CNOT7: variants seen among roughly 807,000 people sequenced by gnomAD.
CNOT7 encodes the protein BTG1-binding factor 1.
Under a neutral mutation model 37.1 loss-of-function variants are expected in CNOT7, and 4 were observed. That is an observed-to-expected ratio of 0.11 (90% CI 0.05 to 0.25). The LOEUF (loss-of-function observed/expected upper bound fraction) is 0.25, where lower values mean the gene tolerates loss of function less well. Ranked by LOEUF, CNOT7 falls within the 10% of genes least tolerant of loss-of-function variation. The pLI, the probability that CNOT7 is intolerant of heterozygous loss-of-function variation, is 1.00. For synonymous variants in CNOT7, 128 were observed against 115.6 expected (o/e 1.11, Z -0.69); for missense variants, 170 against 336.2 (o/e 0.51, Z 3.87).
Position 17,228,726 on chromosome 8 carries a change from G to C in CNOT7, c.*1994C>G, listed in dbSNP as rs1350887570. ...AGAAGCCAGAAATGATACAAGTTAT[G>C]AGATTGAGCAACTATGTGGCTAATA... On this transcript the variant is annotated 3_prime_UTR_variant, in exon 7 of 7. Transcript: ENST00000361272. The C allele has an allele frequency of 6.6e-6, 1 of 151,898 alleles. No individual in the cohort carries two copies. The highest frequency in any genetic ancestry group is 1.5e-5 in the Non-Finnish European group (1 of 67,832). The allele number at this position is 151,898 out of a possible 1,614,324, so 9.4% of individuals were successfully genotyped here. A position where few individuals can be genotyped will look rare whatever the true frequency, so the allele number is the denominator to read the frequency against.
chr8:17,239,844 T>C (rs984884757), intron 3 of CNOT7, among the ~76,000 whole-genome samples: 10 of 152,210 alleles, frequency 6.6e-5, no homozygotes, highest in African/African-American at 2.4e-4. Context: ...ATCAGTGACA[T>C]TATTTCCACA....
Position 17,227,566 on chromosome 8 carries a change from A to T in CNOT7, c.*3154T>A, listed in dbSNP as rs1221911185. The T allele has an allele frequency of 2.0e-5, 3 of 151,916 alleles. 1 individual carries two copies. The highest frequency in any genetic ancestry group is 4.4e-5 in the Non-Finnish European group (3 of 67,832). The allele number at this position is 151,916 out of a possible 1,614,324, so 9.4% of individuals were successfully genotyped here. ...ATGGTTTTCTTTGCTTGGCTAACAA[A>T]TAGGCTACTTGTAAACATTTTGGTT... is the stretch of plus-strand genomic sequence containing the variant. On this transcript the variant is annotated 3_prime_UTR_variant, in exon 7 of 7. Transcript: ENST00000361272.
chr8:17,238,726 TTTCTC>T (rs1010815343), intron 3 of CNOT7, among the ~76,000 whole-genome samples: 1 of 152,200 alleles, frequency 6.6e-6, no homozygotes, highest in Non-Finnish European at 1.5e-5. Context: ...TTTAGACCTT[TTTCTC>T]TTAAGTTTCC....
At chr8:17,233,978 C>A (rs548769689) in intron 5 of CNOT7, among the ~76,000 whole-genome samples, 1 of 152,196 alleles carries the variant, frequency 6.6e-6, no homozygotes, top group African/African-American at 2.4e-5. Flanking sequence ...CACTTGAACC[C>A]GGGAGGCGGA....
chr8:17,235,590 C>T (rs1258531744), intron 4 of CNOT7, among the ~76,000 whole-genome samples: 1 of 152,092 alleles, frequency 6.6e-6, no homozygotes, highest in Non-Finnish European at 1.5e-5. Flanking sequence ...TCCGGCCTTT[C>T]GCACAGCTTT....
rs892311924 is a variant in CNOT7 at position 17,229,146 on chromosome 8, G to T, written c.*1574C>A. The T allele has an allele frequency of 6.6e-6, 1 of 151,940 alleles. No homozygotes were observed. The highest frequency in any genetic ancestry group is 2.4e-5 in the African/African-American group (1 of 41,426). The allele number at this position is 151,940 out of a possible 1,614,324, so 9.4% of individuals were successfully genotyped here. ...TCTAGGGTTAATGAAGGAAGTTACT[G>T]AATTCTGTTGAGTTGCCCAAATAAA... On this transcript the variant is annotated 3_prime_UTR_variant, in exon 7 of 7. Transcript: ENST00000361272.
rs528318061 is a variant in CNOT7 at position 17,244,797 on chromosome 8, C to CG, written c.117+238dup. The CG allele has an allele frequency of 2.3e-4, 93 of 409,962 alleles. 1 individual carries two copies. The South Asian group carries it at 2.9e-3, about 13-fold the overall frequency. The allele number at this position is 409,962 out of a possible 1,614,324, so 25.4% of individuals were successfully genotyped here. ...AAATCCTTCCTAACTCTTATTCAAA[C>CG]GGCCCATGGTTCCCATGAATTCCAG... On this transcript the variant is annotated intron_variant, in intron 2 of 6. Transcript: ENST00000361272.
chr8:17,241,893 A>T (rs891731773), intron 3 of CNOT7: 1 of 152,224 alleles, frequency 6.6e-6, no homozygotes, highest in Non-Finnish European at 1.5e-5. Flanking sequence ...CTATATGTAA[A>T]TTTAAGAACA....
At chr8:17,237,730 T>A in intron 3 of CNOT7, 1 of 198,636 alleles carries the variant, frequency 5.0e-6, no homozygotes. Flanking sequence ...TTTCAGAGAC[T>A]CTCAGTCTCA....
intron 4 of CNOT7, among the ~76,000 whole-genome samples, chr8:17,235,570 T>C (rs1321448807): frequency 6.6e-6 from 1 of 151,974 alleles, no homozygotes; most frequent in African/African-American, 2.4e-5. Context: ...CCAGAACTCT[T>C]CTCCCTTTGT....
At chr8:17,240,352 A>ATT (rs111442538) in intron 3 of CNOT7, among the ~76,000 whole-genome samples, 398 of 146,648 alleles carry the variant, frequency 2.7e-3, no homozygotes, top group Admixed American at 7.4e-3. Flanking sequence ...ACATTTTGAG[A>ATT]TTTTTTTTTT....
Position 17,229,222 on chromosome 8 carries a change from T to TCAA in CNOT7, c.*1495_*1497dup, listed in dbSNP as rs762050934. The TCAA allele has an allele frequency of 1.3e-5, 2 of 151,950 alleles. No homozygotes were observed. Among genetic ancestry groups the TCAA allele is most frequent in the Non-Finnish European group, 2.9e-5 (2 of 67,850 alleles). 9.4% of individuals were successfully genotyped at this position (151,950 alleles called of 1,614,324 possible). A position where few individuals can be genotyped will look rare whatever the true frequency, so the allele number is the denominator to read the frequency against. ...ATTTCCAAAAGAAAATCACCAGTCA[T>TCAA]CAACATTTATAAGAAAACATTTTGA... On this transcript the variant is annotated 3_prime_UTR_variant, in exon 7 of 7. Coordinates refer to ENST00000361272, the MANE Select transcript of CNOT7 (RefSeq NM_013354.7).
intron 3 of CNOT7, among the ~76,000 whole-genome samples, chr8:17,239,921 A>G (rs1809922069): frequency 6.6e-6 from 1 of 152,230 alleles, no homozygotes; most frequent in Admixed American, 6.5e-5. Flanking sequence ...TCAACTCCAA[A>G]TTCAGTTTGG....
rs1466589647 is a variant in CNOT7 at position 17,232,548 on chromosome 8, T to TA, written c.619-12dup. 6.2e-7 allele frequency: 1 copy of TA among 1,602,368 alleles called. No homozygotes were observed. The highest frequency in any genetic ancestry group is 8.5e-7 in the Non-Finnish European group (1 of 1,177,120). Reference sequence around the variant, plus strand: ...CTCCTGTAATCCACCCTAGAAAAAATAAAAAATTGCTTGTCAAGAAGAAAA... The same window carrying TA: ...CTCCTGTAATCCACCCTAGAAAAAATAAAAAAATTGCTTGTCAAGAAGAAAA... On this transcript the variant is annotated splice_polypyrimidine_tract_variant and intron_variant, in intron 5 of 6. Transcript: ENST00000361272.
At chr8:17,237,538 A>C (rs1809542637) in intron 3 of CNOT7, 165 bp from the exon 4 acceptor site, 1 of 575,406 alleles carries the variant, frequency 1.7e-6, no homozygotes, top group Admixed American at 3.0e-5. Context: ...CAATTTAAAT[A>C]CAAAGGTCAT....
chr8:17,237,510 AT>A (rs1809539592), intron 3 of CNOT7, 137 bp from the exon 4 acceptor site: 1 of 668,088 alleles, frequency 1.5e-6, no homozygotes, highest in African/African-American at 1.8e-5. Context: ...AATGCTTTAT[AT>A]ATATGCAAGA....
chr8:17,246,344 T>A (rs1349355001), intron 1 of CNOT7: 1 of 152,314 alleles, frequency 6.6e-6, no homozygotes, highest in African/African-American at 2.4e-5. Context: ...AAGGTGCTGA[T>A]AACACTGACT....
At chr8:17,243,964 C>T (rs539832145) in intron 2 of CNOT7, among the ~76,000 whole-genome samples, 2 of 152,252 alleles carry the variant, frequency 1.3e-5, no homozygotes, top group East Asian at 3.9e-4. Flanking sequence ...AAAGATACAT[C>T]GGTTTAGTAT....
Position 17,225,197 on chromosome 8 carries a change from T to C in CNOT7, c.*5523A>G, listed in dbSNP as rs1808078168. The C allele has an allele frequency of 6.6e-6, 1 of 151,736 alleles. No individual in the cohort carries two copies. The highest frequency in any genetic ancestry group is 1.5e-5 in the Non-Finnish European group (1 of 67,692). The allele number at this position is 151,736 out of a possible 1,614,324, so 9.4% of individuals were successfully genotyped here. On this transcript the variant is annotated 3_prime_UTR_variant, in exon 7 of 7. Coordinates refer to ENST00000361272, the MANE Select transcript of CNOT7 (RefSeq NM_013354.7). ...CCTAACAATTTGGAAGCCATGATGA[T>C]AGTCTGAAGCTAAAGGAACTCCAAT... is the stretch of plus-strand genomic sequence containing the variant.
Sources: gnomAD v4.1 joint callset for allele counts (sites outside exome capture counted in the v4.1 genomes callset) on GRCh38, gnomAD v4.1.1 for gene constraint, MANE v1.5 for transcripts, NCBI Gene and HGNC (gene_info 2026-07-23, HGNC 2026-07-21) for gene names.